BTBD16: variants seen among roughly 807,000 people sequenced by gnomAD.
BTBD16 encodes the protein BTB/POZ domain-containing protein 16.
BTBD16 carries 66 observed loss-of-function variants against 67.4 expected under a neutral mutation model. The ratio of observed to expected loss-of-function variants is 0.98; its 90% confidence interval spans 0.80 to 1.20. The LOEUF (loss-of-function observed/expected upper bound fraction) is 1.20, where lower values mean the gene tolerates loss of function less well. BTBD16 is among the 50% of genes most tolerant of loss of function. The pLI, the probability that BTBD16 is intolerant of heterozygous loss-of-function variation, is 0.00. For synonymous variants in BTBD16, 242 were observed against 236.4 expected (o/e 1.02, Z -0.22); for missense variants, 634 against 616.0 (o/e 1.03, Z -0.31).
At chr10:122,281,086 C>T (rs890595767) in intron 3 of BTBD16, among the ~76,000 whole-genome samples, 2 of 152,162 alleles carry the variant, frequency 1.3e-5, no homozygotes, top group African/African-American at 4.8e-5. Flanking sequence ...GGATTACAGG[C>T]ATGAGCCACC....
intron 12 of BTBD16, 75 bp from the exon 13 acceptor site, chr10:122,332,361 G>A: frequency 7.1e-7 from 1 of 1,403,296 alleles, no homozygotes; most frequent in African/African-American, 1.4e-5. Flanking sequence ...GGTCAAGGAA[G>A]AGGCATGAAG....
chr10:122,298,961 G>C (rs987069037), intron 8 of BTBD16, 43 bp from the exon 9 acceptor site: 2 of 1,606,856 alleles, frequency 1.2e-6, no homozygotes, highest in African/African-American at 2.7e-5. Context: ...AGGGTGCCAA[G>C]AGCTCAGGAC....
chr10:122,281,338 C>A (rs1020826833), intron 3 of BTBD16, among the ~76,000 whole-genome samples: 1 of 152,062 alleles, frequency 6.6e-6, no homozygotes, highest in African/African-American at 2.4e-5. Flanking sequence ...TGAGAACTCT[C>A]CCTTCCTGGC....
chr10:122,312,081 A>G (rs1423870126), intron 10 of BTBD16, among the ~76,000 whole-genome samples: 1 of 152,150 alleles, frequency 6.6e-6, no homozygotes, highest in Non-Finnish European at 1.5e-5. Flanking sequence ...AACCATGTAC[A>G]TGTCTTGTGG....
At chr10:122,272,738 G>A (rs910528326) in intron 1 of BTBD16, among the ~76,000 whole-genome samples, 6 of 151,486 alleles carry the variant, frequency 4.0e-5, no homozygotes, top group Non-Finnish European at 1.5e-5. Flanking sequence ...GAAACAATTT[G>A]TTTACCATAA....
rs137981083 is a variant in BTBD16 at position 122,316,682 on chromosome 10, G to A, written c.911+9374G>A. On this transcript the variant is annotated intron_variant, in intron 10 of 15. Transcript: ENST00000260723. ...AAAAAAAAGGATACACCTGTACAGG[G>A]CACTTATCATGCATGGAACTTGCAG... Among the ~76,000 whole-genome samples the A allele has an allele frequency of 3.5e-3, 532 of 152,110 alleles. 5 individuals carry two copies. Among genetic ancestry groups the A allele is most frequent in the African/African-American group, 0.011 (462 of 41,520 alleles).
intron 10 of BTBD16, among the ~76,000 whole-genome samples, chr10:122,318,702 C>T (rs558240857): frequency 6.6e-6 from 1 of 152,324 alleles, no homozygotes; most frequent in South Asian, 2.1e-4. Flanking sequence ...TCTCCTGCCT[C>T]AGCCTCCCGA....
At chr10:122,337,276 T>C (rs916632424) in intron 15 of BTBD16, among the ~76,000 whole-genome samples, 10 of 152,210 alleles carry the variant, frequency 6.6e-5, no homozygotes, top group African/African-American at 2.2e-4. Flanking sequence ...CCAGACCAGA[T>C]AGATACTCCA....
At position 122,273,259 on chromosome 10, in the gene BTBD16, C is replaced by CAT. The variant is rs565521846; in HGVS notation, c.-43+1753_-43+1754dup. On this transcript the variant is annotated intron_variant, in intron 1 of 15. Transcript: ENST00000260723. Reference sequence around the variant, plus strand: ...ATATATATATATACACACATACATACATATATATACAGATGCAGATATAGG... The same window carrying CAT: ...ATATATATATATACACACATACATACATATATATATACAGATGCAGATATAGG... Among the ~76,000 whole-genome samples the CAT allele has an allele frequency of 2.1e-4, 26 of 122,880 alleles. No individual in the cohort carries two copies. In the South Asian group the frequency reaches 7.4e-3, roughly 35 times the overall value. The allele number at this position is 122,880 out of a possible 152,430, so 80.6% of individuals were successfully genotyped here.
chr10:122,286,189 T>C lies in BTBD16; in HGVS notation c.326T>C (p.Leu109Pro). Residue 109 changes from leucine to proline, a missense_variant, in exon 5 of 16, where the codon CTG becomes CCG. Transcript: ENST00000260723. ...FQSETLAKLY[L>P]KALAQGTTHP... ...TCTGAGACCTTGGCCAAGCTCTACC[T>C]GAAAGCCCTGGCGCAGGGCACCACA... 6.2e-7 allele frequency: 1 copy of C among 1,613,934 alleles called. No individual in the cohort carries two copies. Among genetic ancestry groups the C allele is most frequent in the Non-Finnish European group, 8.5e-7 (1 of 1,179,840 alleles).
intron 7 of BTBD16, among the ~76,000 whole-genome samples, chr10:122,294,864 T>C (rs1028627698): frequency 2.0e-5 from 3 of 152,262 alleles, no homozygotes; most frequent in Non-Finnish European, 2.9e-5. Context: ...CCTGGGGCAC[T>C]CATTTCTCCC....
chr10:122,331,233 A>G lies in BTBD16; in HGVS notation c.1061A>G (p.Gln354Arg). ...TTCTTCCCAGAGTCATGGCTCGACC[A>G]GGTTACAGTCAACCATTACCACGCA... Reference protein sequence around the residue: ...LNFFPESWLDQVTVNHYHALE... With the variant: ...LNFFPESWLDRVTVNHYHALE... Residue 354 changes from glutamine (Q) to arginine (R), a missense_variant, in exon 12 of 16, where the codon CAG becomes CGG. Coordinates refer to ENST00000260723, the MANE Select transcript of BTBD16 (RefSeq NM_144587.5). 1 of 1,613,990 alleles carries G rather than the reference A, an allele frequency of 6.2e-7. No homozygotes were observed. The highest frequency in any genetic ancestry group is 8.5e-7 in the Non-Finnish European group (1 of 1,179,972).
intron 12 of BTBD16, 165 bp from the exon 13 acceptor site, chr10:122,332,271 T>C (rs565521788): frequency 1.4e-5 from 9 of 623,556 alleles, no homozygotes; most frequent in African/African-American, 1.3e-4. Context: ...AAGTTTTCAA[T>C]AAATGTCTGT....
chr10:122,278,524 T>C (rs1194309413), intron 3 of BTBD16, among the ~76,000 whole-genome samples: 1 of 152,258 alleles, frequency 6.6e-6, no homozygotes, highest in Admixed American at 6.5e-5. Flanking sequence ...CTATTTTCTT[T>C]ATTGCCTGGG....
intron 3 of BTBD16, among the ~76,000 whole-genome samples, chr10:122,280,796 G>A (rs2096351346): frequency 6.6e-6 from 1 of 151,970 alleles, no homozygotes. Flanking sequence ...GGGATGTAAA[G>A]GAAAACAAAG....
At position 122,302,036 on chromosome 10, in the gene BTBD16, G is replaced by GGAGTGGCCCTTGGGGTT. The variant is rs1236897752; in HGVS notation, c.791+2915_791+2916insGGTTGAGTGGCCCTTGG. Among the ~76,000 whole-genome samples, 3 of 152,212 alleles carry GGAGTGGCCCTTGGGGTT rather than the reference G, an allele frequency of 2.0e-5. No individual in the cohort carries two copies. The East Asian group carries it at 5.8e-4, about 29-fold the overall frequency. ...AAATGCAGACTCCAAGGTCAGGGGT[G>GGAGTGGCCCTTGGGGTT]GAGTGGCCCTTGGCTTGACTTATCA... On this transcript the variant is annotated intron_variant, in intron 9 of 15. Transcript: ENST00000260723.
chr10:122,306,743 GC>G (rs1167320326), intron 9 of BTBD16, among the ~76,000 whole-genome samples: 1 of 152,112 alleles, frequency 6.6e-6, no homozygotes, highest in African/African-American at 2.4e-5. Flanking sequence ...TAAAATTGAT[GC>G]CAAAAAATGC....
intron 1 of BTBD16, among the ~76,000 whole-genome samples, chr10:122,273,208 ACAG>A (rs1296643222): frequency 6.9e-6 from 1 of 143,996 alleles, no homozygotes; most frequent in Non-Finnish European, 1.5e-5. Context: ...AGAAATAAAA[ACAG>A]CAACACAAAG....
rs188995966 is a variant in BTBD16 at position 122,320,694 on chromosome 10, G to T, written c.912-8786G>T. Among the ~76,000 whole-genome samples, 4 of 152,200 alleles carry T rather than the reference G, an allele frequency of 2.6e-5. No individual in the cohort carries two copies. In the East Asian group the frequency reaches 7.7e-4, roughly 29 times the overall value. ...TTGAGGATTTTCTAGATATCTTCCT[G>T]TTACTGTTTTCTAACTTAATTCCAT... On this transcript the variant is annotated intron_variant, in intron 10 of 15. Coordinates refer to ENST00000260723, the MANE Select transcript of BTBD16 (RefSeq NM_144587.5).
Sources: allele counts gnomAD v4.1 joint callset (sites outside exome capture counted in the v4.1 genomes callset), GRCh38; gene constraint gnomAD v4.1.1; transcripts MANE v1.5; gene names NCBI Gene and HGNC (gene_info 2026-07-23, HGNC 2026-07-21).